KCNIP4: variants seen among roughly 807,000 people sequenced by gnomAD.
The protein encoded by KCNIP4 is Kv channel-interacting protein 4.
A neutral mutation model predicts 34.0 loss-of-function variants in KCNIP4; 12 were observed. That is an observed-to-expected ratio of 0.35 (90% confidence interval 0.23 to 0.57). The LOEUF (loss-of-function observed/expected upper bound fraction) is 0.57. Ranked by LOEUF, KCNIP4 falls within the 20% of genes least tolerant of loss-of-function variation. The pLI is 0.83. For synonymous variants in KCNIP4, 124 were observed against 102.2 expected (o/e 1.21, Z -1.29); for missense variants, 238 against 311.7 (o/e 0.76, Z 1.78).
At chr4:20,948,004 T>G (rs772728005) in intron 1 of KCNIP4, among the ~76,000 whole-genome samples, 3 of 152,190 alleles carry the variant, frequency 2.0e-5, no homozygotes, top group Non-Finnish European at 2.9e-5. Flanking sequence ...AACTCTTGCC[T>G]TTTCTCTTTT....
At chr4:21,360,078 G>A (rs12501359) in intron 1 of KCNIP4, among the ~76,000 whole-genome samples, 37,095 of 151,846 alleles carry the variant, frequency 0.24, 5,071 homozygotes, top group Middle Eastern at 0.41. Flanking sequence ...TCTACTGTGC[G>A]TGTAACTCCT....
chr4:21,375,714 C>CT (rs1720899680), intron 1 of KCNIP4, among the ~76,000 whole-genome samples: 1 of 151,844 alleles, frequency 6.6e-6, no homozygotes, highest in Non-Finnish European at 1.5e-5. Flanking sequence ...CTACAGGCGC[C>CT]TGCCACCACG....
intron 1 of KCNIP4, among the ~76,000 whole-genome samples, chr4:21,214,344 G>C (rs956879293): frequency 6.6e-6 from 1 of 152,084 alleles, no homozygotes; most frequent in Admixed American, 6.6e-5. Flanking sequence ...CTCTGAGCTG[G>C]TATACCTTTC....
At chr4:20,830,153 C>T (rs1003632832) in intron 3 of KCNIP4, among the ~76,000 whole-genome samples, 2 of 152,176 alleles carry the variant, frequency 1.3e-5, no homozygotes, top group African/African-American at 4.8e-5. Flanking sequence ...TCATGGCATC[C>T]TCATTACATG....
At chr4:21,181,259 A>G (rs1208497473) in intron 1 of KCNIP4, among the ~76,000 whole-genome samples, 1 of 151,980 alleles carries the variant, frequency 6.6e-6, no homozygotes, top group Non-Finnish European at 1.5e-5. Context: ...ACTTAATATC[A>G]TTTGATTAAG....
chr4:20,968,027 C>T lies in KCNIP4; in HGVS notation c.62-85318G>A, dbSNP rs893428546. ...AACGGGAGAAAATTTTTGCAATCTA[C>T]CCATCTGACAAAGGGCTAATATCCA... On this transcript the variant is annotated intron_variant, in intron 1 of 8. Transcript: ENST00000382152. Among the ~76,000 whole-genome samples, 10 of 152,132 alleles carry T rather than the reference C, an allele frequency of 6.6e-5. 1 individual carries two copies. The highest frequency in any genetic ancestry group is 1.9e-4 in the African/African-American group (8 of 41,490).
intron 1 of KCNIP4, among the ~76,000 whole-genome samples, chr4:21,633,094 G>A (rs116836322): frequency 0.026 from 3,932 of 152,062 alleles, 169 homozygotes; most frequent in African/African-American, 0.088. Context: ...CTACTCTTTA[G>A]GGACTTTTGT....
intron 1 of KCNIP4, among the ~76,000 whole-genome samples, chr4:20,929,174 T>TAA: frequency 6.6e-6 from 1 of 152,028 alleles, no homozygotes; most frequent in African/African-American, 2.4e-5. Flanking sequence ...ATCAAAAAGA[T>TAA]TATACATCAT....
At chr4:21,426,227 C>A (rs1725919642) in intron 1 of KCNIP4, among the ~76,000 whole-genome samples, 1 of 152,116 alleles carries the variant, frequency 6.6e-6, no homozygotes, top group South Asian at 2.1e-4. Flanking sequence ...GAACTCTCCA[C>A]CAAAAGCAAA....
At position 21,654,686 on chromosome 4, in the gene KCNIP4, C is replaced by T. The variant is rs923276478; in HGVS notation, c.61+293885G>A. On this transcript the variant is annotated intron_variant, in intron 1 of 8. Transcript: ENST00000382152. Reference sequence around the variant, plus strand: ...TGCCTGTAATCCCAGCACTTTGGGACGCCGAGGCAGGCAGATCACGAGGTC... The same window carrying T: ...TGCCTGTAATCCCAGCACTTTGGGATGCCGAGGCAGGCAGATCACGAGGTC... 4.0e-5 allele frequency among the ~76,000 whole-genome samples: 6 copies of T among 151,896 alleles called. No homozygotes were observed. The South Asian group carries it at 8.3e-4, about 21-fold the overall frequency.
At chr4:21,795,564 C>A (rs1192139842) in intron 1 of KCNIP4, among the ~76,000 whole-genome samples, 3 of 152,044 alleles carry the variant, frequency 2.0e-5, no homozygotes, top group African/African-American at 7.2e-5. Flanking sequence ...AGTGAAAATT[C>A]TAGATGAACT....
At chr4:21,641,328 A>G (rs1746598214) in intron 1 of KCNIP4, among the ~76,000 whole-genome samples, 1 of 152,206 alleles carries the variant, frequency 6.6e-6, no homozygotes, top group African/African-American at 2.4e-5. Context: ...TGTGCATAAT[A>G]TACAGGCACA....
At chr4:21,289,561 T>C (rs906027606) in intron 1 of KCNIP4, among the ~76,000 whole-genome samples, 2 of 152,212 alleles carry the variant, frequency 1.3e-5, no homozygotes, top group African/African-American at 4.8e-5. Flanking sequence ...GAAAATTATA[T>C]GGATCATCCC....
At chr4:21,066,370 T>TAC (rs748645722) in intron 1 of KCNIP4, among the ~76,000 whole-genome samples, 40 of 152,026 alleles carry the variant, frequency 2.6e-4, no homozygotes, top group African/African-American at 7.2e-4. Context: ...TGACCAACTA[T>TAC]ACACACACAC....
chr4:21,665,197 C>T (rs547583541), intron 1 of KCNIP4, among the ~76,000 whole-genome samples: 1 of 152,258 alleles, frequency 6.6e-6, no homozygotes, highest in African/African-American at 2.4e-5. Flanking sequence ...AGCATACCCC[C>T]AAAGTTCAGG....
intron 1 of KCNIP4, among the ~76,000 whole-genome samples, chr4:20,895,564 T>A (rs1726423802): frequency 6.6e-6 from 1 of 152,250 alleles, no homozygotes; most frequent in African/African-American, 2.4e-5. Flanking sequence ...TACTTTCCTT[T>A]CCTGAGTTCT....
intron 1 of KCNIP4, among the ~76,000 whole-genome samples, chr4:21,664,948 G>A (rs983141886): frequency 6.6e-6 from 1 of 152,116 alleles, no homozygotes. Flanking sequence ...CCTAAAAAAT[G>A]AAAATGGCTT....
intron 1 of KCNIP4, among the ~76,000 whole-genome samples, chr4:21,448,222 A>G (rs1309523016): frequency 6.6e-6 from 1 of 152,182 alleles, no homozygotes; most frequent in Non-Finnish European, 1.5e-5. Context: ...TTCTGCCAGT[A>G]AGGGATGAGA....
At chr4:21,899,391 C>T (rs1727580404) in intron 1 of KCNIP4, among the ~76,000 whole-genome samples, 1 of 152,052 alleles carries the variant, frequency 6.6e-6, no homozygotes, top group African/African-American at 2.4e-5. Context: ...AAAGGATGCC[C>T]ATTTTCACCA....
Sources: allele counts gnomAD v4.1 joint callset (sites outside exome capture counted in the v4.1 genomes callset), GRCh38; gene constraint gnomAD v4.1.1; transcripts MANE v1.5; gene names NCBI Gene and HGNC (gene_info 2026-07-23, HGNC 2026-07-21).